ACSL6: variants seen among roughly 807,000 people sequenced by gnomAD.
The protein encoded by ACSL6 is acyl-CoA synthetase long chain family member 6.
A neutral mutation model predicts 98.2 loss-of-function variants in ACSL6; 47 were observed. That is an observed-to-expected ratio of 0.48 (90% CI 0.38 to 0.61). ACSL6 has a LOEUF of 0.61. ACSL6 is among the 20% of genes least tolerant of loss of function. The pLI, the probability that ACSL6 is intolerant of heterozygous loss-of-function variation, is 0.00. For missense variants in ACSL6, 761 were observed against 913.4 expected (o/e 0.83, Z 2.15); for synonymous variants, 362 against 336.9 (o/e 1.07, Z -0.82).
upstream of ACSL6, chr5:132,011,957 C>T: frequency 2.6e-6 from 4 of 1,539,052 alleles, no homozygotes; most frequent in Non-Finnish European, 2.6e-6. The surrounding 1 kb of genome is among the most constrained non-coding windows in gnomAD (Gnocchi z 5.4). Context: ...GCACGGGCGA[C>T]GAGCGCCAGA....
At chr5:131,982,583 T>C (rs956967926) in intron 9 of ACSL6, 1 of 152,388 alleles carries the variant, frequency 6.6e-6, no homozygotes, top group Non-Finnish European at 1.5e-5. Context: ...GGAACTCCTG[T>C]CCCATCATCT....
chr5:132,008,977 T>C (rs963785885), intron 1 of ACSL6, among the ~76,000 whole-genome samples: 7 of 152,248 alleles, frequency 4.6e-5, no homozygotes, highest in African/African-American at 7.2e-5. Flanking sequence ...TAGGTGTTTA[T>C]GGCACTGAGG....
chr5:131,964,687 G>T (rs1346647315), intron 17 of ACSL6, among the ~76,000 whole-genome samples: 1 of 152,198 alleles, frequency 6.6e-6, no homozygotes, highest in Non-Finnish European at 1.5e-5. Flanking sequence ...AAGTGAGGGG[G>T]CTTGAAGCCT....
intron 20 of ACSL6, among the ~76,000 whole-genome samples, chr5:131,956,071 T>C (rs1287489433): frequency 2.6e-5 from 4 of 152,180 alleles, no homozygotes; most frequent in Admixed American, 2.6e-4. Flanking sequence ...TCGGCTTGTC[T>C]GCATTCCTAA....
chr5:132,000,594 T>G (rs440970), intron 1 of ACSL6, among the ~76,000 whole-genome samples: 57,722 of 151,766 alleles, frequency 0.38, 11,889 homozygotes, highest in South Asian at 0.66. Context: ...GTATGATCAC[T>G]GCGTATTTTG....
In ACSL6 at chr5:131,954,364, G is replaced by A. The variant is rs1414476151; in HGVS notation, c.2039C>T (p.Ala680Val). Residue 680 changes from alanine (A) to valine (V), a missense_variant, in exon 21 of 21, where the codon GCC (alanine) becomes GTC (valine). Ala to Val is a moderately conservative substitution (Grantham distance 64, BLOSUM62 0). Coordinates refer to ENST00000651883, the MANE Select transcript of ACSL6 (RefSeq NM_001009185.3). ...SGLHSFEQVK[A>V]IHIHSDMFSV... Reference sequence around the variant, plus strand: ...GAACATGTCAGAATGGATGTGAATGGCTTTAACCTAAAAACCAAATGCAGA... The same window carrying A: ...GAACATGTCAGAATGGATGTGAATGACTTTAACCTAAAAACCAAATGCAGA... The A allele has an allele frequency of 1.2e-6, 2 of 1,611,186 alleles. No individual in the cohort carries two copies. The highest frequency in any genetic ancestry group is 4.5e-5 in the East Asian group (2 of 44,776).
At chr5:131,955,565 T>C (rs567093094) in intron 20 of ACSL6, among the ~76,000 whole-genome samples, 270 of 151,988 alleles carry the variant, frequency 1.8e-3, no homozygotes, top group Admixed American at 4.5e-3. Context: ...TTTAGATAGG[T>C]AAGGGTAGAA....
At position 131,954,293 on chromosome 5, in the gene ACSL6, G is replaced by C. The variant is rs1339599100; in HGVS notation, c.2110C>G (p.Pro704Ala). ...LLTPTLKAKR[P>A]ELREYFKKQI... is the part of the protein sequence containing the mutation. ...TTTTTGAAGTACTCTCTCAGCTCAG[G>C]TCTCTTAGCTTTTAGTGTTGGTGTC... The change falls in exon 21 of 21, where the codon CCT becomes GCT. Residue 704 changes from proline (P) to alanine (A), a missense_variant. Pro to Ala is a conservative substitution (Grantham distance 27). Transcript: ENST00000651883. 5 of 1,613,924 alleles carry C rather than the reference G, an allele frequency of 3.1e-6. No individual in the cohort carries two copies. The highest frequency in any genetic ancestry group is 4.2e-6 in the Non-Finnish European group (5 of 1,179,942).
At chr5:132,000,429 G>A (rs1244327463) in intron 1 of ACSL6, among the ~76,000 whole-genome samples, 30 of 151,648 alleles carry the variant, frequency 2.0e-4, no homozygotes, top group Admixed American at 2.0e-3. Flanking sequence ...GAGCTCTGAA[G>A]TCCTGCAGCA....
chr5:131,997,218 T>C, intron 1 of ACSL6, among the ~76,000 whole-genome samples: 1 of 152,336 alleles, frequency 6.6e-6, no homozygotes, highest in Middle Eastern at 3.4e-3. Flanking sequence ...AGCCTTTTCC[T>C]ACACACTGTA....
chr5:131,998,523 G>A (rs1224345329), intron 1 of ACSL6, among the ~76,000 whole-genome samples: 1 of 152,168 alleles, frequency 6.6e-6, no homozygotes, highest in Non-Finnish European at 1.5e-5. Context: ...CCAATGTGGT[G>A]GGGTGGCAGA....
At chr5:131,961,189 T>C (rs1752686296) in intron 18 of ACSL6, among the ~76,000 whole-genome samples, 1 of 151,962 alleles carries the variant, frequency 6.6e-6, no homozygotes, top group African/African-American at 2.4e-5. Flanking sequence ...CACATGTAGC[T>C]AATTTTTGTA....
Position 132,011,571 on chromosome 5 carries a change from G to A in ACSL6, c.-18C>T, listed in dbSNP as rs764968204. The A allele has an allele frequency of 6.6e-6, 10 of 1,515,014 alleles. No individual in the cohort carries two copies. In the South Asian group the frequency reaches 9.9e-5, roughly 15 times the overall value. The allele number at this position is 1,515,014 out of a possible 1,614,324, so 93.8% of individuals were successfully genotyped here. A position where few individuals can be genotyped will look rare whatever the true frequency, so the allele number is the denominator to read the frequency against. ...GTCAGCATGGCGGTCAGCGGGGCCC[G>A]GCCCGGCCCGGCCCGGCCTCCCCGA... is the stretch of plus-strand genomic sequence containing the variant. On this transcript the variant is annotated 5_prime_UTR_variant, in exon 1 of 21. Coordinates refer to ENST00000651883, the MANE Select transcript of ACSL6 (RefSeq NM_001009185.3). The surrounding 1 kb of genome is among the most constrained non-coding windows in gnomAD (Gnocchi z 5.4).
chr5:131,958,253 G>A (rs763320438), intron 20 of ACSL6, among the ~76,000 whole-genome samples: 21 of 152,284 alleles, frequency 1.4e-4, no homozygotes, highest in Admixed American at 1.3e-3. Context: ...CAGGATGTCC[G>A]CAGGAACTGC....
chr5:131,998,793 A>T (rs1669613727), intron 1 of ACSL6, among the ~76,000 whole-genome samples: 1 of 152,114 alleles, frequency 6.6e-6, no homozygotes, highest in African/African-American at 2.4e-5. Flanking sequence ...TTATTTCCTG[A>T]TATGTAGATA....
intron 9 of ACSL6, among the ~76,000 whole-genome samples, chr5:131,977,906 C>G (rs561792467): frequency 6.6e-6 from 1 of 151,948 alleles, no homozygotes; most frequent in East Asian, 1.9e-4. Flanking sequence ...TTTTTTTCAT[C>G]TTTGGAGACA....
chr5:131,972,716 T>C lies in ACSL6; in HGVS notation c.1338+8A>G. 2 of 1,614,056 alleles carry C rather than the reference T, an allele frequency of 1.2e-6. No individual in the cohort carries two copies. The highest frequency in any genetic ancestry group is 1.7e-6 in the Non-Finnish European group (2 of 1,179,986). ...TGTCACTCTATAATCACTTGTTCATTTTCTTACCTGAATCTTATTAAAGAA... is the reference window on the plus strand; with the variant it reads ...TGTCACTCTATAATCACTTGTTCATCTTCTTACCTGAATCTTATTAAAGAA... On this transcript the variant is annotated splice_region_variant and intron_variant, in intron 13 of 20. Coordinates refer to ENST00000651883, the MANE Select transcript of ACSL6 (RefSeq NM_001009185.3).
chr5:131,988,319 C>T (rs1374134977), intron 6 of ACSL6, 93 bp from the exon 7 acceptor site: 9 of 1,461,328 alleles, frequency 6.2e-6, no homozygotes, highest in Non-Finnish European at 8.5e-6. Flanking sequence ...GGCAGCACTT[C>T]CATGGTCTGT....
chr5:132,009,040 C>T (rs1466790792), intron 1 of ACSL6, among the ~76,000 whole-genome samples: 1 of 152,250 alleles, frequency 6.6e-6, no homozygotes, highest in Non-Finnish European at 1.5e-5. Flanking sequence ...ACTTATTTTA[C>T]TTGTCTCCTT....
Sources: allele counts gnomAD v4.1 joint callset (sites outside exome capture counted in the v4.1 genomes callset), GRCh38; gene constraint gnomAD v4.1.1; non-coding constraint Gnocchi (gnomAD v3.1); transcripts MANE v1.5; gene names NCBI Gene and HGNC (gene_info 2026-07-23, HGNC 2026-07-21).